The following DIP2A variants were observed in gnomAD, a reference collection of about 807,000 sequenced individuals.
DIP2A encodes disco-interacting protein 2 homolog A.
A neutral mutation model predicts 177.4 loss-of-function variants in DIP2A; 85 were observed. The ratio of observed to expected loss-of-function variants is 0.48; its 90% CI spans 0.40 to 0.57. DIP2A has a LOEUF of 0.57. DIP2A is among the 20% of genes least tolerant of loss of function. The pLI, the probability that DIP2A is intolerant of heterozygous loss-of-function variation, is 0.00. For synonymous variants in DIP2A, 886 were observed against 881.8 expected (o/e 1.00, Z -0.08); for missense variants, 1,791 against 2,100.2 (o/e 0.85, Z 2.88).
At position 46,495,631 on chromosome 21, in the gene DIP2A, T is replaced by C. The variant is rs181957403; in HGVS notation, c.284-1357T>C. ...TCCTTCTTTTTCTCTTTTTCTTTCT[T>C]GGGTTCTCACTCTGTCACCCAGGCT... On this transcript the variant is annotated intron_variant, in intron 3 of 37. Transcript: ENST00000417564. Among the ~76,000 whole-genome samples, 212 of 152,062 alleles carry C rather than the reference T, an allele frequency of 1.4e-3. 1 individual carries two copies. The highest frequency in any genetic ancestry group is 2.5e-3 in the Non-Finnish European group (169 of 67,962).
Position 46,550,577 on chromosome 21 carries a change from G to C in DIP2A, c.2672G>C (p.Cys891Ser), listed in dbSNP as rs2060235213. The change falls in exon 23 of 38, where the codon TGT becomes TCT. Residue 891 changes from cysteine (C) to serine (S), a missense_variant. Coordinates refer to ENST00000417564, the MANE Select transcript of DIP2A (RefSeq NM_015151.4). ...IDSIHQVGVY[C>S]LALVPANTLP... ...AGCATCCACCAGGTGGGCGTGTACT[G>C]TCTGGCCCTGGTTCCTGCCAACACC... 3.1e-6 allele frequency: 5 copies of C among 1,613,550 alleles called. No individual in the cohort carries two copies. The highest frequency in any genetic ancestry group is 1.6e-4 in the Middle Eastern group (1 of 6,084).
intron 1 of DIP2A, among the ~76,000 whole-genome samples, chr21:46,476,252 A>C (rs1311047132): frequency 4.6e-5 from 7 of 152,156 alleles, no homozygotes; most frequent in African/African-American, 1.4e-4. Context: ...CAAAAAAAAA[A>C]AAAATTATGA....
Position 46,567,509 on chromosome 21 carries a change from G to A in DIP2A, c.4603G>A (p.Val1535Met), listed in dbSNP as rs760258980. The A allele has an allele frequency of 8.1e-6, 13 of 1,613,802 alleles. No individual in the cohort carries two copies. Among genetic ancestry groups the A allele is most frequent in the Admixed American group, 1.7e-5 (1 of 59,986 alleles). The change falls in exon 38 of 38, where the codon GTG becomes ATG. Residue 1535 changes from valine (V) to methionine (M), a missense_variant. Physicochemically the swap from Val to Met is conservative, Grantham distance 21. Coordinates refer to ENST00000417564, the MANE Select transcript of DIP2A (RefSeq NM_015151.4). ...CCTGGTCGTGGGAGTGGTGGTCATC[G>A]TGGACCCAGGGGTGATCCCTATCAA... ...HYLVVGVVVI[V>M]DPGVIPINSR...
chr21:46,461,207 A>G (rs950716421), intron 1 of DIP2A, among the ~76,000 whole-genome samples: 1 of 142,200 alleles, frequency 7.0e-6, no homozygotes, highest in Admixed American at 7.4e-5. Flanking sequence ...CTGAGGCAGG[A>G]GGATCACCTG....
intron 16 of DIP2A, 23 bp from the exon 17 acceptor site, chr21:46,539,854 T>G (rs1380067697): frequency 8.8e-6 from 14 of 1,593,184 alleles, no homozygotes; most frequent in Non-Finnish European, 1.2e-5. Context: ...GTGCTGGCGT[T>G]CCACTCTTGT....
rs146303156 is a variant in DIP2A at position 46,470,273 on chromosome 21, G to C, written c.91+11051G>C. Among the ~76,000 whole-genome samples the C allele has an allele frequency of 1.5e-3, 222 of 152,228 alleles. 2 individuals carry two copies. The highest frequency in any genetic ancestry group is 6.9e-3 in the South Asian group (33 of 4,814). On this transcript the variant is annotated intron_variant, in intron 1 of 37. Coordinates refer to ENST00000417564, the MANE Select transcript of DIP2A (RefSeq NM_015151.4). The stretch of plus-strand genomic sequence containing the variant: ...GCGGATCACCTGGGGTTGGGAGTTC[G>C]AGACCAGCCTGACCAACGTGGAGAA...
chr21:46,540,132 T>G lies in DIP2A; in HGVS notation c.2036+141T>G. 4.5e-6 allele frequency: 3 copies of G among 670,604 alleles called. No individual in the cohort carries two copies. In the South Asian group the frequency reaches 5.6e-5, roughly 12 times the overall value. The allele number at this position is 670,604 out of a possible 1,614,324, so 41.5% of individuals were successfully genotyped here. A position where few individuals can be genotyped will look rare whatever the true frequency, so the allele number is the denominator to read the frequency against. ...TACCTTGGTGCCTGGCCCCCCACAT[T>G]TTGCCGGCTTGGGTTTGTGTGGAGA... On this transcript the variant is annotated intron_variant, in intron 17 of 37. Coordinates refer to ENST00000417564, the MANE Select transcript of DIP2A (RefSeq NM_015151.4).
intron 8 of DIP2A, among the ~76,000 whole-genome samples, chr21:46,518,443 T>C (rs2058679660): frequency 6.6e-6 from 1 of 152,236 alleles, no homozygotes; most frequent in South Asian, 2.1e-4. Flanking sequence ...CGTGAGAATA[T>C]GGTGGTATTT....
chr21:46,533,659 C>CA lies in DIP2A; in HGVS notation c.1429+14dup. On this transcript the variant is annotated intron_variant, in intron 11 of 37. Coordinates refer to ENST00000417564, the MANE Select transcript of DIP2A (RefSeq NM_015151.4). ...GGCAGCTTTCAAAGGTGAGGCCTCCCAAGGGAAGGGGAGTCAGTGTTCTGA... is the reference window on the plus strand; with the variant it reads ...GGCAGCTTTCAAAGGTGAGGCCTCCCAAAGGGAAGGGGAGTCAGTGTTCTGA... 10 of 1,613,902 alleles carry CA rather than the reference C, an allele frequency of 6.2e-6. No homozygotes were observed. The highest frequency in any genetic ancestry group is 8.5e-6 in the Non-Finnish European group (10 of 1,179,846).
the DIP2A span, among the ~76,000 whole-genome samples, chr21:46,576,369 G>A: frequency 6.6e-6 from 1 of 152,110 alleles, no homozygotes; most frequent in Non-Finnish European, 1.5e-5. Context: ...GTGAGAACAT[G>A]TGGTGTTTGG....
rs925699063 is a variant in DIP2A, at chr21:46,511,499, C to A, written c.987C>A (p.Val329=). 7 of 1,612,692 alleles carry A rather than the reference C, an allele frequency of 4.3e-6. No homozygotes were observed. The highest frequency in any genetic ancestry group is 3.3e-5 in the Admixed American group (2 of 59,784). ...GAGGGGAGCCTCTCACTGCAGGTGT[C>A]CCCCGACCGCCGTCGCTGTTGGCCA... The part of the protein sequence containing the change: ...VLRGEPLTAG[V]PRPPSLLATL... The change falls in exon 8 of 38, where the codon GTC becomes GTA. Residue 329 remains valine, a synonymous_variant. Transcript: ENST00000417564.
intron 8 of DIP2A, among the ~76,000 whole-genome samples, chr21:46,513,108 T>TG (rs1055194674): frequency 8.6e-5 from 13 of 150,502 alleles, no homozygotes; most frequent in Non-Finnish European, 1.8e-4. Context: ...TACATGTTGT[T>TG]TTTTTTTCCT....
chr21:46,522,086 C>T (rs1164818791), intron 8 of DIP2A, among the ~76,000 whole-genome samples: 1 of 152,152 alleles, frequency 6.6e-6, no homozygotes, highest in Admixed American at 6.5e-5. Flanking sequence ...TAATTTAGAC[C>T]AAATGCCTAA....
chr21:46,537,187 G>A lies in DIP2A; in HGVS notation c.1643-37G>A, dbSNP rs768523489. On this transcript the variant is annotated intron_variant, in intron 13 of 37. Coordinates refer to ENST00000417564, the MANE Select transcript of DIP2A (RefSeq NM_015151.4). The surrounding 1 kb of genome is among the most constrained non-coding windows in gnomAD (Gnocchi z 4.1). ...AAAATGCATAGGGCTTATTGAGAGGGTTGCTCAGTGGTGTCACCTTCTTTG... is the reference window on the plus strand; with the variant it reads ...AAAATGCATAGGGCTTATTGAGAGGATTGCTCAGTGGTGTCACCTTCTTTG... 5.0e-6 allele frequency: 8 copies of A among 1,611,164 alleles called. No homozygotes were observed. Among genetic ancestry groups the A allele is most frequent in the Non-Finnish European group, 6.8e-6 (8 of 1,177,432 alleles).
chr21:46,498,790 C>T lies in DIP2A; in HGVS notation c.612C>T (p.Ala204=), dbSNP rs372689514. ...GTGCTGCAGCCACGCCGGGGGCCGC[C>T]GCTACCACTGCACTCGCAGGCCTCG... ...APSAAATPGA[A]ATTALAGLEA... The change falls in exon 5 of 38, where the codon GCC becomes GCT. Residue 204 remains alanine (A), a synonymous_variant. Coordinates refer to ENST00000417564, the MANE Select transcript of DIP2A (RefSeq NM_015151.4). This position sits in a 1 kb window ranked among gnomAD's most constrained non-coding sequence, Gnocchi z 4.3. The T allele has an allele frequency of 1.9e-5, 30 of 1,613,704 alleles. No individual in the cohort carries two copies. The highest frequency in any genetic ancestry group is 2.2e-5 in the East Asian group (1 of 44,884).
intron 20 of DIP2A, chr21:46,546,430 T>C (rs561739375): frequency 6.1e-5 from 29 of 474,942 alleles, no homozygotes; most frequent in Admixed American, 3.8e-4. Context: ...TCCTGGCATC[T>C]AGTGAGTACC....
chr21:46,566,572 C>T lies in DIP2A; in HGVS notation c.4352C>T (p.Ala1451Val). Residue 1451 changes from alanine to valine, a missense_variant, in exon 37 of 38, where the codon GCA (alanine) becomes GTA (valine). Transcript: ENST00000417564. ...LTDASGGRHD[A>V]LYVVGSLDET... ...ACACTGTTCACAGGGCGGCACGATGCACTGTATGTGGTTGGGTCTCTGGAT... is the reference window on the plus strand; with the variant it reads ...ACACTGTTCACAGGGCGGCACGATGTACTGTATGTGGTTGGGTCTCTGGAT... 1 of 1,614,066 alleles carries T rather than the reference C, an allele frequency of 6.2e-7. No homozygotes were observed. The highest frequency in any genetic ancestry group is 8.5e-7 in the Non-Finnish European group (1 of 1,179,944).
chr21:46,565,279 C>T (rs977311890), intron 35 of DIP2A, among the ~76,000 whole-genome samples: 5 of 152,226 alleles, frequency 3.3e-5, no homozygotes, highest in African/African-American at 1.2e-4. Context: ...TGGGATGTGC[C>T]GTCTGTTTTC....
At chr21:46,527,104 A>G (rs1166817555) in intron 8 of DIP2A, among the ~76,000 whole-genome samples, 6 of 152,218 alleles carry the variant, frequency 3.9e-5, no homozygotes, top group African/African-American at 1.4e-4. Context: ...TCTTCCATCT[A>G]TTGATATGAT....
Sources: gnomAD v4.1 joint callset for allele counts (sites outside exome capture counted in the v4.1 genomes callset) on GRCh38, gnomAD v4.1.1 for gene constraint, Gnocchi (gnomAD v3.1) non-coding constraint, MANE v1.5 for transcripts, NCBI Gene and HGNC (gene_info 2026-07-23, HGNC 2026-07-21) for gene names.